The following PROKR1 variants were observed in gnomAD, a reference collection of about 807,000 sequenced individuals.
PROKR1 encodes prokineticin receptor 1, also known as G protein-coupled receptor 73.
In PROKR1, 21 loss-of-function variants were observed where a neutral mutation model predicts 22.8. The ratio of observed to expected loss-of-function variants is 0.92; its 90% confidence interval spans 0.65 to 1.32. PROKR1 has a LOEUF of 1.32. PROKR1 is among the 40% of genes most tolerant of loss of function. The pLI is 0.00. For missense variants in PROKR1, 548 were observed against 514.2 expected, an observed-to-expected ratio of 1.07 and a Z score of -0.64; for synonymous variants, 193 against 207.5, an observed-to-expected ratio of 0.93 and a Z score of 0.60.
chr2:68,655,368 A>G lies in PROKR1; in HGVS notation c.974A>G (p.Tyr325Cys), dbSNP rs1673426562. ...VKEKHYLTAF[Y>C]IVECIAMSNS... ...GAGAAGCACTACCTCACTGCCTTCTACATCGTCGAGTGCATCGCCATGAGC... is the reference window on the plus strand; with the variant it reads ...GAGAAGCACTACCTCACTGCCTTCTGCATCGTCGAGTGCATCGCCATGAGC... Residue 325 changes from tyrosine (Y) to cysteine (C), a missense_variant, in exon 3 of 3, where the codon TAC becomes TGC. By Grantham distance (194) the Tyr-to-Cys change is radical. Transcript: ENST00000303786. The G allele has an allele frequency of 6.2e-7, 1 of 1,614,092 alleles. No individual in the cohort carries two copies. Among genetic ancestry groups the G allele is most frequent in the Non-Finnish European group, 8.5e-7 (1 of 1,179,994 alleles).
rs1673242033 is a variant in PROKR1, at chr2:68,648,653, T to C, written c.485+2347T>C. ...ATGTGTTGTTACCATCTAATTGTGG[T>C]CTAGGAATCATTAATTTTTCTCTGG... On this transcript the variant is annotated intron_variant, in intron 2 of 2. Transcript: ENST00000303786. 2.6e-5 allele frequency among the ~76,000 whole-genome samples: 4 copies of C among 152,224 alleles called. 1 individual carries two copies. In the South Asian group the frequency reaches 8.3e-4, roughly 31 times the overall value.
At position 68,655,288 on chromosome 2, in the gene PROKR1, G is replaced by C. The variant is rs1368965698; in HGVS notation, c.894G>C (p.Ala298=). 1 of 1,614,252 alleles carries C rather than the reference G, an allele frequency of 6.2e-7. No homozygotes were observed. The highest frequency in any genetic ancestry group is 8.5e-7 in the Non-Finnish European group (1 of 1,180,054). Reference sequence around the variant, plus strand: ...TCACCGCCTACGTGCTATGCTGGGCGCCCTTCTACGGCTTCACCATCGTGC... The same window carrying C: ...TCACCGCCTACGTGCTATGCTGGGCCCCCTTCTACGGCTTCACCATCGTGC... ...CILTAYVLCW[A]PFYGFTIVRD... The change falls in exon 3 of 3, where the codon GCG becomes GCC. Residue 298 remains alanine, a synonymous_variant. Transcript: ENST00000303786.
chr2:68,644,115 G>A (rs1673123765), intron 1 of PROKR1, among the ~76,000 whole-genome samples: 1 of 152,222 alleles, frequency 6.6e-6, no homozygotes, highest in Non-Finnish European at 1.5e-5. Context: ...CCAGGTGGGG[G>A]TAGGATTGGG....
chr2:68,649,168 C>T (rs1673252210), intron 2 of PROKR1, among the ~76,000 whole-genome samples: 1 of 152,080 alleles, frequency 6.6e-6, no homozygotes, highest in Admixed American at 6.5e-5. Flanking sequence ...TTACAAAATG[C>T]CAGAACAGAA....
intron 2 of PROKR1, among the ~76,000 whole-genome samples, chr2:68,649,267 C>G (rs957098862): frequency 2.6e-5 from 4 of 152,148 alleles, no homozygotes; most frequent in Admixed American, 6.5e-5. Context: ...TCTCCTTTGT[C>G]CTGGCTGCTC....
At position 68,655,298 on chromosome 2, in the gene PROKR1, G is replaced by C. The variant is rs756432723; in HGVS notation, c.904G>C (p.Gly302Arg). The C allele has an allele frequency of 6.2e-7, 1 of 1,614,240 alleles. No homozygotes were observed. Among genetic ancestry groups the C allele is most frequent in the South Asian group, 1.1e-5 (1 of 91,088 alleles). The change falls in exon 3 of 3, where the codon GGC becomes CGC. Residue 302 changes from glycine (G) to arginine (R), a missense_variant. By Grantham distance (125) the Gly-to-Arg change is moderately radical (BLOSUM62 -2). Transcript: ENST00000303786. ...CGTGCTATGCTGGGCGCCCTTCTAC[G>C]GCTTCACCATCGTGCGCGACTTCTT... is the stretch of plus-strand genomic sequence containing the variant. ...AYVLCWAPFY[G>R]FTIVRDFFPT...
chr2:68,646,873 C>A (rs1341229121), intron 2 of PROKR1, among the ~76,000 whole-genome samples: 1 of 152,070 alleles, frequency 6.6e-6, no homozygotes, highest in Non-Finnish European at 1.5e-5. Context: ...CATATCCAGA[C>A]CTCACCTTTT....
Position 68,646,228 on chromosome 2 carries a change from T to G in PROKR1, c.407T>G (p.Leu136Arg), listed in dbSNP as rs1335234801. 3 of 1,613,910 alleles carry G rather than the reference T, an allele frequency of 1.9e-6. No homozygotes were observed. Among genetic ancestry groups the G allele is most frequent in the Non-Finnish European group, 2.5e-6 (3 of 1,179,810 alleles). ...CTCTCCTGGGAGCACGGCCACGTCCTGTGCACCTCTGTCAACTACCTGCGC... is the reference window on the plus strand; with the variant it reads ...CTCTCCTGGGAGCACGGCCACGTCCGGTGCACCTCTGTCAACTACCTGCGC... The part of the protein sequence containing the change: ...RQLSWEHGHV[L>R]CTSVNYLRTV... The change falls in exon 2 of 3, where the codon CTG (leucine) becomes CGG (arginine). Residue 136 changes from leucine (L) to arginine (R), a missense_variant. Leu to Arg is a moderately radical substitution (Grantham distance 102). Transcript: ENST00000303786.
At chr2:68,651,104 G>A (rs1673312044) in intron 2 of PROKR1, among the ~76,000 whole-genome samples, 1 of 152,196 alleles carries the variant, frequency 6.6e-6, no homozygotes, top group Admixed American at 6.5e-5. Context: ...GCTCACGCCT[G>A]TAATCCTTGC....
At chr2:68,654,857 C>T in intron 2 of PROKR1, 23 bp from the exon 3 acceptor site, 1 of 1,574,200 alleles carries the variant, frequency 6.4e-7, no homozygotes, top group Non-Finnish European at 8.7e-7. Flanking sequence ...CAGTGGCTGC[C>T]TCCACTTGTG....
At chr2:68,646,372 T>C in intron 2 of PROKR1, 66 bp downstream of exon 2, 1 of 1,587,700 alleles carries the variant, frequency 6.3e-7, no homozygotes, top group Non-Finnish European at 8.6e-7. Flanking sequence ...AATTGCCCCC[T>C]CCTGTACTGC....
chr2:68,652,218 TTGTCAC>T (rs1673347479), intron 2 of PROKR1, among the ~76,000 whole-genome samples: 1 of 152,186 alleles, frequency 6.6e-6, no homozygotes, highest in Non-Finnish European at 1.5e-5. Context: ...AGAGTGGACA[TTGTCAC>T]TGTCTTACCT....
chr2:68,655,376 G>A lies in PROKR1; in HGVS notation c.982G>A (p.Glu328Lys), dbSNP rs1673427124. The A allele has an allele frequency of 6.2e-7, 1 of 1,614,166 alleles. No homozygotes were observed. Among genetic ancestry groups the A allele is most frequent in the Non-Finnish European group, 8.5e-7 (1 of 1,180,000 alleles). Residue 328 changes from glutamate (E) to lysine (K), a missense_variant, in exon 3 of 3, where the codon GAG becomes AAG. Glu to Lys is a moderately conservative substitution (Grantham distance 56). Coordinates refer to ENST00000303786, the MANE Select transcript of PROKR1 (RefSeq NM_138964.4). ...CTACCTCACTGCCTTCTACATCGTC[G>A]AGTGCATCGCCATGAGCAACAGCAT... ...KHYLTAFYIV[E>K]CIAMSNSMIN...
Position 68,658,152 on chromosome 2 carries a change from T to G in PROKR1, c.*2576T>G, listed in dbSNP as rs1345807384. 1 of 152,236 alleles carries G rather than the reference T, an allele frequency of 6.6e-6. No individual in the cohort carries two copies. The highest frequency in any genetic ancestry group is 1.9e-4 in the East Asian group (1 of 5,206). 9.4% of individuals were successfully genotyped at this position (152,236 alleles called of 1,614,324 possible). On this transcript the variant is annotated 3_prime_UTR_variant, in exon 3 of 3. Coordinates refer to ENST00000303786, the MANE Select transcript of PROKR1 (RefSeq NM_138964.4). ...TGTATCAATTTTTCACTCAACTATC[T>G]GTGTTACTTCCAAATATTAGTGTCT... is the stretch of plus-strand genomic sequence containing the variant.
rs373101730 is a variant in PROKR1, at chr2:68,655,456, A to T, written c.1062A>T (p.Lys354Asn). The change falls in exon 3 of 3, where the codon AAA (lysine) becomes AAT (asparagine). Residue 354 changes from lysine to asparagine, a missense_variant. Physicochemically the swap from Lys to Asn is moderately conservative, Grantham distance 94 (BLOSUM62 0). Coordinates refer to ENST00000303786, the MANE Select transcript of PROKR1 (RefSeq NM_138964.4). Reference protein sequence around the residue: ...TVKNDTVKYFKKIMLLHWKAS... With the variant: ...TVKNDTVKYFNKIMLLHWKAS... ...AGAACGACACCGTCAAGTACTTCAA[A>T]AAGATCATGTTGCTCCACTGGAAGG... The T allele has an allele frequency of 5.5e-5, 88 of 1,614,070 alleles. No individual in the cohort carries two copies. The East Asian group carries it at 6.0e-4, about 11-fold the overall frequency.
At position 68,657,843 on chromosome 2, in the gene PROKR1, C is replaced by G. The variant is rs1015102023; in HGVS notation, c.*2267C>G. 3 of 152,154 alleles carry G rather than the reference C, an allele frequency of 2.0e-5. No individual in the cohort carries two copies. Among genetic ancestry groups the G allele is most frequent in the African/African-American group, 4.8e-5 (2 of 41,428 alleles). 9.4% of individuals were successfully genotyped at this position (152,154 alleles called of 1,614,324 possible). A position where few individuals can be genotyped will look rare whatever the true frequency, so the allele number is the denominator to read the frequency against. ...TTCTTCCCATTTATCACCCAGTAGACTTACCCTACAATTTAATCAGAATGC... is the reference window on the plus strand; with the variant it reads ...TTCTTCCCATTTATCACCCAGTAGAGTTACCCTACAATTTAATCAGAATGC... On this transcript the variant is annotated 3_prime_UTR_variant, in exon 3 of 3. Coordinates refer to ENST00000303786, the MANE Select transcript of PROKR1 (RefSeq NM_138964.4).
chr2:68,654,594 G>C (rs1673398851), intron 2 of PROKR1, among the ~76,000 whole-genome samples: 1 of 152,072 alleles, frequency 6.6e-6, no homozygotes, highest in Admixed American at 6.6e-5. Flanking sequence ...AGGAGTTTGA[G>C]ACTAGCCTGG....
chr2:68,654,460 A>C (rs6731830), intron 2 of PROKR1, among the ~76,000 whole-genome samples: 69,361 of 151,960 alleles, frequency 0.46, 17,422 homozygotes, highest in African/African-American at 0.68. Context: ...TAGAGATGAC[A>C]TTGGGGTTTG....
At position 68,646,255 on chromosome 2, in the gene PROKR1, CTG is replaced by C. The variant is rs1205175749; in HGVS notation, c.436_437del (p.Val146LeufsTer15). The stretch of plus-strand genomic sequence containing the variant: ...TGCACCTCTGTCAACTACCTGCGCA[CTG>C]TCTCTCTCTATGTCTCCACCAATGC... On this transcript the variant is annotated frameshift_variant, in exon 2 of 3. Coordinates refer to ENST00000303786, the MANE Select transcript of PROKR1 (RefSeq NM_138964.4). LOFTEE classifies it high-confidence loss of function. 3 of 1,614,184 alleles carry C rather than the reference CTG, an allele frequency of 1.9e-6. No individual in the cohort carries two copies. Among genetic ancestry groups the C allele is most frequent in the Non-Finnish European group, 2.5e-6 (3 of 1,180,012 alleles).
Sources: allele counts gnomAD v4.1 joint callset (sites outside exome capture counted in the v4.1 genomes callset), GRCh38; gene constraint gnomAD v4.1.1; transcripts MANE v1.5; gene names NCBI Gene and HGNC (gene_info 2026-07-23, HGNC 2026-07-21).